CSMD1: variants seen among roughly 807,000 people sequenced by gnomAD.
The protein encoded by CSMD1 is CUB and sushi domain-containing protein 1.
In CSMD1, 213 loss-of-function variants were observed where a neutral mutation model predicts 417.5. The ratio of observed to expected loss-of-function variants is 0.51; its 90% confidence interval spans 0.46 to 0.57. The LOEUF is 0.57. CSMD1 is among the 20% of genes least tolerant of loss of function. CSMD1 has a pLI of 0.00. For synonymous variants in CSMD1, 2,862 were observed against 1,736.8 expected (o/e 1.65, Z -16.11); for missense variants, 6,923 against 4,529.7 (o/e 1.53, Z -15.17).
chr8:3,420,356 C>G (rs1813407864), intron 12 of CSMD1, among the ~76,000 whole-genome samples: 1 of 150,310 alleles, frequency 6.7e-6, no homozygotes, highest in Admixed American at 6.7e-5. Context: ...TCAGAGGGAC[C>G]AGATGAGGCA....
intron 1 of CSMD1, among the ~76,000 whole-genome samples, chr8:4,643,067 A>C (rs1803302706): frequency 6.6e-6 from 1 of 152,216 alleles, no homozygotes; most frequent in African/African-American, 2.4e-5. Flanking sequence ...TTGAAAGCGT[A>C]TATAGATTTG....
intron 3 of CSMD1, among the ~76,000 whole-genome samples, chr8:4,050,090 C>G (rs1358037863): frequency 2.0e-5 from 3 of 152,068 alleles, no homozygotes; most frequent in African/African-American, 4.8e-5. Flanking sequence ...CACAGTGCAC[C>G]AGGTTGTGGG....
chr8:4,069,436 G>A (rs13271741), intron 3 of CSMD1, among the ~76,000 whole-genome samples: 14,797 of 152,134 alleles, frequency 0.097, 918 homozygotes, highest in Middle Eastern at 0.2. Flanking sequence ...GATATTCACC[G>A]TAAAGGAAAT....
intron 3 of CSMD1, among the ~76,000 whole-genome samples, chr8:4,250,618 G>C (rs905996966): frequency 2.6e-5 from 4 of 152,130 alleles, no homozygotes; most frequent in Non-Finnish European, 4.4e-5. Context: ...TACCAAAATA[G>C]TACAGCAGTT....
At chr8:3,524,434 C>A (rs765729729) in intron 10 of CSMD1, among the ~76,000 whole-genome samples, 1 of 151,202 alleles carries the variant, frequency 6.6e-6, no homozygotes, top group Non-Finnish European at 1.5e-5. Context: ...GACACATCTG[C>A]ATCTGCACGC....
intron 3 of CSMD1, among the ~76,000 whole-genome samples, chr8:4,153,715 T>A (rs1003654222): frequency 6.6e-6 from 1 of 152,174 alleles, no homozygotes; most frequent in Non-Finnish European, 1.5e-5. Flanking sequence ...CCCACAGATA[T>A]AAGAACCCAT....
At position 3,396,373 on chromosome 8, in the gene CSMD1, G is replaced by C; in HGVS notation, c.2414C>G (p.Thr805Arg). The change falls in exon 17 of 70, where the codon ACA (threonine) becomes AGA (arginine). Residue 805 changes from threonine to arginine, a missense_variant. By Grantham distance (71) the Thr-to-Arg change is moderately conservative (BLOSUM62 -1). Transcript: ENST00000635120. ...CTCCAAGGTGTCATAATTGACCTCT[G>C]TCTGAAATCTGCAAATATATACATC... The part of the protein sequence containing the change: ...SIKITFDRFQ[T>R]EVNYDTLEVR... 1 of 1,580,410 alleles carries C rather than the reference G, an allele frequency of 6.3e-7. No homozygotes were observed. Among genetic ancestry groups the C allele is most frequent in the Non-Finnish European group, 8.6e-7 (1 of 1,163,360 alleles).
At position 4,737,959 on chromosome 8, in the gene CSMD1, G is replaced by T. The variant is rs187189478; in HGVS notation, c.86-100401C>A. Among the ~76,000 whole-genome samples the T allele has an allele frequency of 2.0e-5, 3 of 152,284 alleles. No homozygotes were observed. In the East Asian group the frequency reaches 5.8e-4, roughly 29 times the overall value. ...GTAAATTATGAAATGTTAATTTTCA[G>T]GTAACAGCCTGCCATTGAAGCAAAG... On this transcript the variant is annotated intron_variant, in intron 1 of 69. Transcript: ENST00000635120.
intron 3 of CSMD1, among the ~76,000 whole-genome samples, chr8:4,276,368 A>G (rs1475021605): frequency 1.3e-5 from 2 of 152,182 alleles, no homozygotes; most frequent in African/African-American, 4.8e-5. Flanking sequence ...GCAAACTATC[A>G]CAAGAACAGA....
chr8:3,591,613 C>T (rs1349736374), intron 8 of CSMD1, among the ~76,000 whole-genome samples: 1 of 152,188 alleles, frequency 6.6e-6, no homozygotes, highest in Non-Finnish European at 1.5e-5. Flanking sequence ...AGGTAAGGAT[C>T]TCCTACCTCT....
At chr8:4,048,726 C>T (rs79226714) in intron 3 of CSMD1, among the ~76,000 whole-genome samples, 15 of 152,156 alleles carry the variant, frequency 9.9e-5, no homozygotes, top group Admixed American at 7.2e-4. Flanking sequence ...TTAATACATA[C>T]ATGTATATCT....
intron 5 of CSMD1, among the ~76,000 whole-genome samples, chr8:3,787,925 G>C (rs553898108): frequency 3.9e-5 from 6 of 152,270 alleles, no homozygotes; most frequent in Middle Eastern, 3.4e-3. Flanking sequence ...GTAGTTGTGA[G>C]GGGAAGGAGA....
At chr8:4,930,290 G>T (rs988093253) in intron 1 of CSMD1, among the ~76,000 whole-genome samples, 1 of 152,104 alleles carries the variant, frequency 6.6e-6, no homozygotes, top group Non-Finnish European at 1.5e-5. Context: ...ATGTAAAAGT[G>T]TCATATGCAA....
In CSMD1 at chr8:3,607,208, C is replaced by T. The variant is rs963720692; in HGVS notation, c.1097+9502G>A. On this transcript the variant is annotated intron_variant, in intron 8 of 69. Coordinates refer to ENST00000635120, the MANE Select transcript of CSMD1 (RefSeq NM_033225.6). ...AGCGCACTAGCCTAGGCCTGCACGA[C>T]GTCAGGATCATTAATATCACTGTTT... 2.6e-5 allele frequency among the ~76,000 whole-genome samples: 4 copies of T among 152,242 alleles called. 1 individual carries two copies. Among genetic ancestry groups the T allele is most frequent in the South Asian group, 4.2e-4 (2 of 4,812 alleles).
chr8:4,533,830 G>T (rs1796960730), intron 2 of CSMD1, among the ~76,000 whole-genome samples: 1 of 151,014 alleles, frequency 6.6e-6, no homozygotes, highest in African/African-American at 2.4e-5. Context: ...AAAGTTTTAT[G>T]CCTATAAAGT....
chr8:4,344,868 C>T (rs752395183), intron 3 of CSMD1, among the ~76,000 whole-genome samples: 5 of 152,164 alleles, frequency 3.3e-5, no homozygotes, highest in East Asian at 1.9e-4. Flanking sequence ...ATTTACCTAG[C>T]GATAAGGACA....
chr8:4,830,759 A>AAT (rs1800103403), intron 1 of CSMD1, among the ~76,000 whole-genome samples: 1 of 152,230 alleles, frequency 6.6e-6, no homozygotes, highest in Non-Finnish European at 1.5e-5. Flanking sequence ...GACTTTAAGA[A>AAT]ATATAAGCAT....
At chr8:3,085,640 T>A (rs957533737) in intron 49 of CSMD1, among the ~76,000 whole-genome samples, 1 of 152,216 alleles carries the variant, frequency 6.6e-6, no homozygotes, top group African/African-American at 2.4e-5. Context: ...TCATTTAACT[T>A]AGCATTAAAT....
rs996546681 is a variant in CSMD1 at position 4,206,127 on chromosome 8, G to C, written c.416-174028C>G. ...AACAACGCAGGGAAAAGGATAGGGA[G>C]GGTATTTTACCTTTTCCCTGGCTAT... On this transcript the variant is annotated intron_variant, in intron 3 of 69. Transcript: ENST00000635120. Among the ~76,000 whole-genome samples, 3 of 152,132 alleles carry C rather than the reference G, an allele frequency of 2.0e-5. No individual in the cohort carries two copies. The South Asian group carries it at 6.2e-4, about 32-fold the overall frequency.
Sources: allele counts gnomAD v4.1 joint callset (sites outside exome capture counted in the v4.1 genomes callset), GRCh38; gene constraint gnomAD v4.1.1; transcripts MANE v1.5; gene names NCBI Gene and HGNC (gene_info 2026-07-23, HGNC 2026-07-21).